GATAD2B: variants seen among roughly 807,000 people sequenced by gnomAD.
GATAD2B encodes transcriptional repressor p66-beta.
In GATAD2B, 8 loss-of-function variants were observed where a neutral mutation model predicts 64.3. That is an observed-to-expected ratio of 0.12 (90% CI 0.07 to 0.22). The LOEUF (loss-of-function observed/expected upper bound fraction) is 0.22. GATAD2B is among the 10% of genes least tolerant of loss of function. The probability of loss-of-function intolerance (pLI) is 1.00; values close to 1 mark genes in which losing one functional copy is unlikely to be tolerated. For missense variants in GATAD2B, 453 were observed against 752.0 expected, an observed-to-expected ratio of 0.60 and a Z score of 4.65; for synonymous variants, 281 against 271.3, an observed-to-expected ratio of 1.04 and a Z score of -0.35.
At chr1:153,920,860 TA>T (rs2101975457) in intron 1 of GATAD2B, among the ~76,000 whole-genome samples, 1 of 152,254 alleles carries the variant, frequency 6.6e-6, no homozygotes, top group South Asian at 2.1e-4. Flanking sequence ...TCTATTCCCC[TA>T]AAAAGTGAAG....
At chr1:153,888,153 A>G (rs1223386089) in intron 1 of GATAD2B, among the ~76,000 whole-genome samples, 2 of 152,142 alleles carry the variant, frequency 1.3e-5, no homozygotes, top group African/African-American at 4.8e-5. Context: ...GAACAGAGAA[A>G]ATAAACAGAT....
intron 1 of GATAD2B, among the ~76,000 whole-genome samples, chr1:153,901,660 C>CTA (rs1463141520): frequency 6.6e-6 from 1 of 151,196 alleles, no homozygotes; most frequent in African/African-American, 2.4e-5. Flanking sequence ...CCCATCTCTA[C>CTA]TAAAAATACA....
At chr1:153,827,301 A>C (rs1043732483) in intron 2 of GATAD2B, among the ~76,000 whole-genome samples, 2 of 150,940 alleles carry the variant, frequency 1.3e-5, no homozygotes, top group Non-Finnish European at 3.0e-5. Context: ...GAAAAAAAAA[A>C]CCCCAACTAG....
In GATAD2B at chr1:153,817,567, A is replaced by G. The variant is rs1161726676; in HGVS notation, c.730-25T>C. The G allele has an allele frequency of 5.8e-6, 9 of 1,556,086 alleles. No homozygotes were observed. In the East Asian group the frequency reaches 2.0e-4, roughly 35 times the overall value. The stretch of plus-strand genomic sequence containing the variant: ...CCTGGAGGGGAAGAAGAGGAAAAGA[A>G]CTAATCACAGGTTGTACGCTGTGTA... On this transcript the variant is annotated intron_variant, in intron 5 of 10. Transcript: ENST00000368655.
chr1:153,892,500 A>T (rs1677447805), intron 1 of GATAD2B, among the ~76,000 whole-genome samples: 1 of 152,152 alleles, frequency 6.6e-6, no homozygotes, highest in Non-Finnish European at 1.5e-5. Context: ...CTGTAGAGGG[A>T]TACATGAATA....
In GATAD2B at chr1:153,914,227, C is replaced by CAAA. The variant is rs759245034; in HGVS notation, c.-2+8503_-2+8505dup. ...CATTGCACTCCAGCCCCCAGACTCT[C>CAAA]AAAAAAAAAAAAAAAAAAAAAAAAA... On this transcript the variant is annotated intron_variant, in intron 1 of 10. Transcript: ENST00000368655. Among the ~76,000 whole-genome samples, 294 of 65,680 alleles carry CAAA rather than the reference C, an allele frequency of 4.5e-3. 2 individuals carry two copies. Among genetic ancestry groups the CAAA allele is most frequent in the East Asian group, 6.3e-3 (14 of 2,206 alleles). 43.1% of individuals were successfully genotyped at this position (65,680 alleles called of 152,430 possible).
At chr1:153,903,633 C>T (rs1677843863) in intron 1 of GATAD2B, among the ~76,000 whole-genome samples, 1 of 152,134 alleles carries the variant, frequency 6.6e-6, no homozygotes, top group East Asian at 1.9e-4. Flanking sequence ...GTTAACAGGA[C>T]ATATTACAAT....
At chr1:153,848,816 T>G (rs559088384) in intron 1 of GATAD2B, among the ~76,000 whole-genome samples, 1 of 152,048 alleles carries the variant, frequency 6.6e-6, no homozygotes, top group South Asian at 2.1e-4. Flanking sequence ...TAGCCAGGTG[T>G]GGTGGTGGGT....
intron 1 of GATAD2B, among the ~76,000 whole-genome samples, chr1:153,903,251 C>T (rs1323967768): frequency 6.6e-6 from 1 of 151,894 alleles, no homozygotes; most frequent in African/African-American, 2.4e-5. Context: ...AAGTAAGCAG[C>T]TCTGACAAGC....
intron 1 of GATAD2B, among the ~76,000 whole-genome samples, chr1:153,846,449 G>A (rs1038774730): frequency 2.6e-5 from 4 of 151,796 alleles, no homozygotes; most frequent in East Asian, 1.9e-4. Flanking sequence ...TATTGGCCAC[G>A]CTGGACTCGA....
rs143078996 is a variant in GATAD2B at position 153,880,613 on chromosome 1, C to A, written c.-2+42120G>T. Among the ~76,000 whole-genome samples, 330 of 152,154 alleles carry A rather than the reference C, an allele frequency of 2.2e-3. 2 individuals are homozygous for A. The highest frequency in any genetic ancestry group is 7.7e-3 in the African/African-American group (320 of 41,508). ...TAATCATTCTTTTCTCAAGCACATA[C>A]ACCTTTGAATGGGAACAGAAAGAAG... On this transcript the variant is annotated intron_variant, in intron 1 of 10. Transcript: ENST00000368655.
chr1:153,882,929 A>C (rs1327379487), intron 1 of GATAD2B, among the ~76,000 whole-genome samples: 1 of 152,220 alleles, frequency 6.6e-6, no homozygotes, highest in Non-Finnish European at 1.5e-5. Flanking sequence ...CCAAAGAGGA[A>C]GAAGGGCAAT....
intron 1 of GATAD2B, among the ~76,000 whole-genome samples, chr1:153,874,151 A>AC (rs1269507116): frequency 3.3e-5 from 5 of 152,010 alleles, no homozygotes; most frequent in African/African-American, 1.2e-4. Flanking sequence ...AGTCCCAGCT[A>AC]CTTGGGAGGC....
chr1:153,867,087 A>G (rs1676504722), intron 1 of GATAD2B, among the ~76,000 whole-genome samples: 1 of 151,860 alleles, frequency 6.6e-6, no homozygotes, highest in Non-Finnish European at 1.5e-5. Flanking sequence ...CCTCCAATAT[A>G]CCATTTTATA....
intron 1 of GATAD2B, among the ~76,000 whole-genome samples, chr1:153,861,511 G>A (rs1349084637): frequency 2.6e-5 from 4 of 151,096 alleles, no homozygotes; most frequent in African/African-American, 9.7e-5. Flanking sequence ...AATACGGCCG[G>A]ACACAGTGGC....
chr1:153,895,120 T>A (rs1349012148), intron 1 of GATAD2B, among the ~76,000 whole-genome samples: 1 of 151,774 alleles, frequency 6.6e-6, no homozygotes, highest in African/African-American at 2.4e-5. Context: ...ATCACATCAT[T>A]GCACTCCAGC....
Position 153,916,243 on chromosome 1 carries a change from T to A in GATAD2B, c.-2+6490A>T, listed in dbSNP as rs6691714. The stretch of plus-strand genomic sequence containing the variant: ...TTGCAGTAAGCTAAGATTGCACCAC[T>A]GCACTCCAGTGACAGAGTGAGACTC... On this transcript the variant is annotated intron_variant, in intron 1 of 10. Coordinates refer to ENST00000368655, the MANE Select transcript of GATAD2B (RefSeq NM_020699.4). Among the ~76,000 whole-genome samples, 344 of 145,802 alleles carry A rather than the reference T, an allele frequency of 2.4e-3. 1 individual carries two copies. Among genetic ancestry groups the A allele is most frequent in the African/African-American group, 8.6e-3 (335 of 39,132 alleles).
intron 1 of GATAD2B, among the ~76,000 whole-genome samples, chr1:153,859,388 G>C (rs572485335): frequency 1.9e-4 from 28 of 150,106 alleles, no homozygotes; most frequent in Non-Finnish European, 3.8e-4. Flanking sequence ...GACCATGCAA[G>C]GCGAGGCGAG....
At chr1:153,893,245 T>C (rs937384411) in intron 1 of GATAD2B, among the ~76,000 whole-genome samples, 4 of 152,170 alleles carry the variant, frequency 2.6e-5, no homozygotes, top group African/African-American at 9.7e-5. Context: ...ATTCTGACTG[T>C]TGTTACGAGG....
Sources: allele counts gnomAD v4.1 joint callset (sites outside exome capture counted in the v4.1 genomes callset), GRCh38; gene constraint gnomAD v4.1.1; transcripts MANE v1.5; gene names NCBI Gene and HGNC (gene_info 2026-07-23, HGNC 2026-07-21).